Variants in TRPM8 observed in about 807,000 individuals in gnomAD.
The protein encoded by TRPM8 is TRPM8 cationic channel.
Under a neutral mutation model 133.7 loss-of-function variants are expected in TRPM8, and 110 were observed. The observed-to-expected ratio is 0.82, with a 90% CI of 0.70 to 0.96. The LOEUF is 0.96. Ranked by LOEUF, TRPM8 falls within the 40% of genes least tolerant of loss-of-function variation. The pLI is 0.00. For missense variants in TRPM8, 1,291 were observed against 1,379.5 expected (o/e 0.94, Z 1.02); for synonymous variants, 535 against 532.3 (o/e 1.01, Z -0.07).
chr2:233,942,662 T>C lies in TRPM8; in HGVS notation c.613T>C (p.Ser205Pro). 1 of 1,614,182 alleles carries C rather than the reference T, an allele frequency of 6.2e-7. No homozygotes were observed. Among genetic ancestry groups the C allele is most frequent in the Non-Finnish European group, 8.5e-7 (1 of 1,180,048 alleles). Reference sequence around the variant, plus strand: ...GAGAGATAACACCATCAGCAGGAGTTCAGAGGAGAATATTGTGGCCATTGG... The same window carrying C: ...GAGAGATAACACCATCAGCAGGAGTCCAGAGGAGAATATTGTGGCCATTGG... Reference protein sequence around the residue: ...VVRDNTISRSSEENIVAIGIA... With the variant: ...VVRDNTISRSPEENIVAIGIA... Residue 205 changes from serine to proline, a missense_variant, in exon 6 of 26, where the codon TCA (serine) becomes CCA (proline). Physicochemically the swap from Ser to Pro is moderately conservative, Grantham distance 74 (BLOSUM62 -1). Coordinates refer to ENST00000324695, the MANE Select transcript of TRPM8 (RefSeq NM_024080.5).
Position 233,969,782 on chromosome 2 carries a change from G to T in TRPM8, c.2113G>T (p.Val705Leu). The T allele has an allele frequency of 6.2e-7, 1 of 1,613,298 alleles. No homozygotes were observed. Among genetic ancestry groups the T allele is most frequent in the Non-Finnish European group, 8.5e-7 (1 of 1,179,270 alleles). The change falls in exon 16 of 26, where the codon GTG becomes TTG. Residue 705 changes from valine to leucine, a missense_variant. Val to Leu is a conservative substitution (Grantham distance 32). Transcript: ENST00000324695. The part of the protein sequence containing the change: ...IILCLFIIPL[V>L]GCGFVSFRKK... ...CCTGTGTCTGTTTATTATACCCTTG[G>T]TGGGCTGTGGCTTTGTATCATTTAG...
chr2:233,954,080 G>T (rs1232938693), intron 10 of TRPM8, 61 bp downstream of exon 10: 3 of 1,205,990 alleles, frequency 2.5e-6, no homozygotes, highest in South Asian at 3.0e-5. Flanking sequence ...GGCTTTTCAT[G>T]ACTTACATTT....
chr2:233,980,037 G>A (rs943149218), intron 17 of TRPM8, 151 bp from the exon 18 acceptor site: 12 of 644,004 alleles, frequency 1.9e-5, no homozygotes, highest in African/African-American at 5.7e-5. Context: ...CGTGGGGCAC[G>A]TGGTAGGGCT....
chr2:233,969,379 C>T (rs1157050878), intron 15 of TRPM8, among the ~76,000 whole-genome samples: 2 of 151,492 alleles, frequency 1.3e-5, no homozygotes, highest in Non-Finnish European at 2.9e-5. Context: ...CCCAGCTACT[C>T]GGGAGGCTGA....
chr2:233,923,390 T>C (rs1691449132), intron 1 of TRPM8, among the ~76,000 whole-genome samples: 1 of 152,220 alleles, frequency 6.6e-6, no homozygotes, highest in Admixed American at 6.5e-5. Flanking sequence ...ATCTCCAGTG[T>C]TCTCCATGGC....
At chr2:234,003,888 A>T (rs1253606149) in intron 22 of TRPM8, among the ~76,000 whole-genome samples, 2 of 152,204 alleles carry the variant, frequency 1.3e-5, no homozygotes, top group Non-Finnish European at 2.9e-5. Flanking sequence ...CAGTCCCAGG[A>T]TCAGGGGAAT....
intron 25 of TRPM8, among the ~76,000 whole-genome samples, chr2:234,014,983 C>T (rs1316597903): frequency 1.3e-5 from 2 of 152,122 alleles, no homozygotes; most frequent in Non-Finnish European, 2.9e-5. Flanking sequence ...TCACACTGTT[C>T]CAAGTTCTGT....
chr2:233,972,818 ACACGCAGCCCCGGTTCC>A, intron 17 of TRPM8, among the ~76,000 whole-genome samples: 1 of 152,168 alleles, frequency 6.6e-6, no homozygotes, highest in South Asian at 2.1e-4. Flanking sequence ...CGCAAGCTCC[ACACGCAGCCCCGGTTCC>A]CGCTCACGCC....
intron 22 of TRPM8, among the ~76,000 whole-genome samples, chr2:234,000,434 T>C (rs985390834): frequency 6.6e-6 from 1 of 152,108 alleles, no homozygotes; most frequent in African/African-American, 2.4e-5. Context: ...TAAAAATGCA[T>C]GAACTTGGCT....
At chr2:233,966,095 A>C (rs1227481561) in intron 14 of TRPM8, 3 of 153,016 alleles carry the variant, frequency 2.0e-5, no homozygotes, top group African/African-American at 4.8e-5. Flanking sequence ...GGTGATCCAC[A>C]CTCCTCGGCC....
intron 24 of TRPM8, 70 bp downstream of exon 24, chr2:234,008,173 G>C (rs1466716768): frequency 6.9e-7 from 1 of 1,441,094 alleles, no homozygotes; most frequent in Non-Finnish European, 9.5e-7. Context: ...TTCAGCTAGA[G>C]GCCAGTAGTT....
At chr2:233,996,165 C>T (rs559226284) in intron 21 of TRPM8, among the ~76,000 whole-genome samples, 161 bp from the exon 22 acceptor site, 24 of 151,508 alleles carry the variant, frequency 1.6e-4, no homozygotes, top group South Asian at 8.4e-4. Context: ...ACTTTCACTT[C>T]CTGCTGAGTT....
intron 21 of TRPM8, among the ~76,000 whole-genome samples, chr2:233,995,226 A>G (rs1692374397): frequency 6.6e-6 from 1 of 152,216 alleles, no homozygotes; most frequent in Admixed American, 6.5e-5. Context: ...AATAGACATC[A>G]TAGATAATAG....
chr2:233,948,285 A>G (rs1217785632), intron 8 of TRPM8, among the ~76,000 whole-genome samples: 1 of 152,250 alleles, frequency 6.6e-6, no homozygotes, highest in Non-Finnish European at 1.5e-5. Flanking sequence ...ATGGTTAAAT[A>G]AAAATATTCA....
chr2:233,923,468 G>A (rs1193531851), intron 1 of TRPM8, among the ~76,000 whole-genome samples: 2 of 152,172 alleles, frequency 1.3e-5, no homozygotes, highest in Non-Finnish European at 2.9e-5. Flanking sequence ...TGGTGGGGTG[G>A]GCTAAAGTGG....
At chr2:234,016,846 A>G (rs1156310831) in intron 25 of TRPM8, among the ~76,000 whole-genome samples, 1 of 152,162 alleles carries the variant, frequency 6.6e-6, no homozygotes, top group Non-Finnish European at 1.5e-5. Flanking sequence ...CCTGCATAAT[A>G]GTCCGTTGAT....
chr2:233,996,440 C>G lies in TRPM8; in HGVS notation c.3054C>G (p.Phe1018Leu). 6.2e-7 allele frequency: 1 copy of G among 1,614,132 alleles called. No homozygotes were observed. Among genetic ancestry groups the G allele is most frequent in the Non-Finnish European group, 8.5e-7 (1 of 1,180,044 alleles). The part of the protein sequence containing the change: ...RLNIPFPFIV[F>L]AYFYMVVKKC... ...ATATCCCCTTCCCCTTCATCGTCTT[C>G]GCTTACTTCTACATGGTGGTGAAGA... The change falls in exon 22 of 26, where the codon TTC (phenylalanine) becomes TTG (leucine). Residue 1018 changes from phenylalanine (F) to leucine (L), a missense_variant. By Grantham distance (22) the Phe-to-Leu change is conservative. Coordinates refer to ENST00000324695, the MANE Select transcript of TRPM8 (RefSeq NM_024080.5).
At chr2:233,923,890 A>C (rs989992864) in intron 1 of TRPM8, among the ~76,000 whole-genome samples, 1 of 152,240 alleles carries the variant, frequency 6.6e-6, no homozygotes, top group African/African-American at 2.4e-5. Flanking sequence ...TCAATGTGAA[A>C]ATTTCGGACC....
chr2:234,007,013 C>G (rs1692711892), intron 23 of TRPM8, 61 bp downstream of exon 23: 4 of 1,286,690 alleles, frequency 3.1e-6, no homozygotes, highest in Non-Finnish European at 3.4e-6. Flanking sequence ...GCCCATAGAA[C>G]GTAGGCAGCT....
Sources: allele counts gnomAD v4.1 joint callset (sites outside exome capture counted in the v4.1 genomes callset), GRCh38; gene constraint gnomAD v4.1.1; transcripts MANE v1.5; gene names NCBI Gene and HGNC (gene_info 2026-07-23, HGNC 2026-07-21).